The following MCF2L variants were observed in gnomAD, a reference collection of about 807,000 sequenced individuals.
MCF2L encodes guanine nucleotide exchange factor DBS.
Under a neutral mutation model 153.4 loss-of-function variants are expected in MCF2L, and 97 were observed. That is an observed-to-expected ratio of 0.63 (90% CI 0.54 to 0.75). MCF2L has a LOEUF of 0.75. MCF2L is among the 30% of genes least tolerant of loss of function. The pLI is 0.00. For missense variants in MCF2L, 1,347 were observed against 1,495.2 expected, an observed-to-expected ratio of 0.90 and a Z score of 1.64; for synonymous variants, 659 against 632.2, an observed-to-expected ratio of 1.04 and a Z score of -0.64.
intron 1 of MCF2L, among the ~76,000 whole-genome samples, chr13:112,976,196 G>A (rs2082209362): frequency 6.6e-6 from 1 of 151,500 alleles, no homozygotes; most frequent in Non-Finnish European, 1.5e-5. Context: ...GTGTGCGTGT[G>A]TGTGTGTGTG....
intron 2 of MCF2L, among the ~76,000 whole-genome samples, chr13:112,903,624 C>T (rs959422412): frequency 1.3e-5 from 2 of 152,158 alleles, no homozygotes; most frequent in Admixed American, 1.3e-4. Flanking sequence ...TGGGGGGCTG[C>T]GTTTCGGTAT....
chr13:113,085,106 C>A lies in MCF2L; in HGVS notation c.2175C>A (p.Asp725Glu). The change falls in exon 20 of 30, where the codon GAC (aspartate) becomes GAA (glutamate). Residue 725 changes from aspartate (D) to glutamate (E), a missense_variant. Around this residue, in one of 3 missense-constraint regions of MCF2L, gnomAD observed 144 missense variants for 238.7 expected, o/e 0.60. Transcript: ENST00000535094. ...PFFQECQRKL[D>E]HKLSLDSYLL... The stretch of plus-strand genomic sequence containing the variant: ...TCCAGGAATGCCAGAGAAAGCTGGA[C>A]CACAAGCTGAGCCTGGACTCCTACC... The A allele has an allele frequency of 6.2e-7, 1 of 1,613,744 alleles. No individual in the cohort carries two copies.
In MCF2L at chr13:113,046,744, G is replaced by A. The variant is rs375529658; in HGVS notation, c.369+1383G>A. On this transcript the variant is annotated intron_variant, in intron 4 of 29. Transcript: ENST00000535094. This position sits in a 1 kb window ranked among gnomAD's most constrained non-coding sequence, Gnocchi z 4.4. ...GCACCTCTCTGCCCCTCGCCGCGGCGGATCCCCGTTCCTGACCCTGACTCA... is the reference window on the plus strand; with the variant it reads ...GCACCTCTCTGCCCCTCGCCGCGGCAGATCCCCGTTCCTGACCCTGACTCA... The A allele has an allele frequency of 2.5e-5, 12 of 471,570 alleles. No homozygotes were observed. In the East Asian group the frequency reaches 2.9e-4, roughly 12 times the overall value. 29.2% of individuals were successfully genotyped at this position (471,570 alleles called of 1,614,324 possible). A position where few individuals can be genotyped will look rare whatever the true frequency, so the allele number is the denominator to read the frequency against.
intron 2 of MCF2L, among the ~76,000 whole-genome samples, chr13:112,942,488 G>A (rs2081586056): frequency 6.6e-6 from 1 of 152,150 alleles, no homozygotes; most frequent in Admixed American, 6.5e-5. Context: ...TGTCTTGGTG[G>A]TAGTGGTCCC....
At chr13:112,984,049 G>T (rs1214037871) in intron 1 of MCF2L, among the ~76,000 whole-genome samples, 1 of 152,134 alleles carries the variant, frequency 6.6e-6, no homozygotes, top group Non-Finnish European at 1.5e-5. Context: ...CGGTGCCAGG[G>T]TTGTCCATCT....
At chr13:112,988,653 G>C (rs2082751737) in intron 1 of MCF2L, among the ~76,000 whole-genome samples, 1 of 149,950 alleles carries the variant, frequency 6.7e-6, no homozygotes, top group Non-Finnish European at 1.5e-5. Flanking sequence ...GCAGGGGATG[G>C]AGCTACCATG....
chr13:113,005,678 G>A (rs1046147122), intron 1 of MCF2L, among the ~76,000 whole-genome samples: 4 of 152,162 alleles, frequency 2.6e-5, no homozygotes, highest in African/African-American at 9.7e-5. Context: ...TGTGGTGACT[G>A]TGGTTAACGC....
intron 18 of MCF2L, 148 bp downstream of exon 18, chr13:113,084,215 T>G: frequency 1.4e-6 from 1 of 717,824 alleles, no homozygotes; most frequent in South Asian, 1.7e-5. Context: ...GATGCTCCTG[T>G]ACCCCTAGAA....
At chr13:113,032,783 T>C (rs1195807560) in intron 3 of MCF2L, among the ~76,000 whole-genome samples, 1 of 152,228 alleles carries the variant, frequency 6.6e-6, no homozygotes, top group African/African-American at 2.4e-5. Flanking sequence ...TTACCCAGGC[T>C]GATCTAGAAT....
intron 1 of MCF2L, among the ~76,000 whole-genome samples, chr13:112,997,182 G>T (rs1325695910): frequency 6.6e-6 from 1 of 152,234 alleles, no homozygotes; most frequent in Non-Finnish European, 1.5e-5. Flanking sequence ...CCCATCGAGA[G>T]CCTCGGGTGA....
intron 1 of MCF2L, among the ~76,000 whole-genome samples, chr13:112,898,807 T>TC (rs1385776782): frequency 2.0e-5 from 3 of 152,058 alleles, no homozygotes; most frequent in Admixed American, 1.3e-4. Flanking sequence ...TCGGGATCCC[T>TC]CCCCACCGGT....
In MCF2L at chr13:112,913,139, TGTG is replaced by T. The variant is rs2081252742; in HGVS notation, c.169+10772_169+10774del. Among the ~76,000 whole-genome samples, 13 of 151,774 alleles carry T rather than the reference TGTG, an allele frequency of 8.6e-5. No individual in the cohort carries two copies. The South Asian group carries it at 2.7e-3, about 32-fold the overall frequency. On this transcript the variant is annotated intron_variant, in intron 2 of 29. Coordinates refer to the MCF2L transcript ENST00000375608. ...TATGGGATGTGTCTGATTGTGTGTC[TGTG>T]GTGTATTTCTGTGTCTGTATGTATG...
At chr13:113,036,643 T>C (rs985334138) in intron 3 of MCF2L, among the ~76,000 whole-genome samples, 1 of 152,164 alleles carries the variant, frequency 6.6e-6, no homozygotes, top group Non-Finnish European at 1.5e-5. Context: ...TCCCCAGGAG[T>C]GCGTGTGTCG....
chr13:113,092,940 G>A (rs530380638), intron 26 of MCF2L, among the ~76,000 whole-genome samples: 28 of 149,642 alleles, frequency 1.9e-4, no homozygotes, highest in African/African-American at 5.1e-4. Flanking sequence ...CGCACAGGCC[G>A]GCCTCGCTGC....
chr13:113,048,132 G>T (rs1205558164), intron 4 of MCF2L, among the ~76,000 whole-genome samples: 1 of 152,240 alleles, frequency 6.6e-6, no homozygotes, highest in Admixed American at 6.5e-5. Flanking sequence ...CGTGATTTAG[G>T]TGTCGATCTT....
chr13:113,016,914 C>T (rs2084560985), intron 2 of MCF2L, among the ~76,000 whole-genome samples: 1 of 152,198 alleles, frequency 6.6e-6, no homozygotes, highest in Non-Finnish European at 1.5e-5. Context: ...TTCACAGCTG[C>T]CTCCCGGCTT....
chr13:113,084,567 A>G, intron 18 of MCF2L: 1 of 417,592 alleles, frequency 2.4e-6, no homozygotes, highest in Non-Finnish European at 4.3e-6. Context: ...GTTCTATTAT[A>G]TAAACAAATC....
At position 113,094,387 on chromosome 13, in the gene MCF2L, C is replaced by T. The variant is rs985666052; in HGVS notation, c.2954-127C>T. 8 of 930,428 alleles carry T rather than the reference C, an allele frequency of 8.6e-6. No homozygotes were observed. The African/African-American group carries it at 1.2e-4, about 14-fold the overall frequency. 57.6% of individuals were successfully genotyped at this position (930,428 alleles called of 1,614,324 possible). On this transcript the variant is annotated intron_variant, in intron 26 of 29. Transcript: ENST00000535094. ...GCTCTTTATGAACCCGGGAAGATGA[C>T]AGGCTCTGTTGGGGGCCCACGGCAC... is the stretch of plus-strand genomic sequence containing the variant.
At chr13:112,924,673 A>G (rs1211251019) in intron 2 of MCF2L, among the ~76,000 whole-genome samples, 1 of 152,216 alleles carries the variant, frequency 6.6e-6, no homozygotes, top group Non-Finnish European at 1.5e-5. Flanking sequence ...CCCTGAATTA[A>G]TGCATACACT....
Sources: allele counts gnomAD v4.1 joint callset (sites outside exome capture counted in the v4.1 genomes callset), GRCh38; gene constraint gnomAD v4.1.1; regional missense constraint gnomAD v4.1.1; non-coding constraint Gnocchi (gnomAD v3.1); transcripts MANE v1.5; gene names NCBI Gene and HGNC (gene_info 2026-07-23, HGNC 2026-07-21).